UTRN: variants seen among roughly 807,000 people sequenced by gnomAD.
UTRN encodes utrophin.
Under a neutral mutation model 463.9 loss-of-function variants are expected in UTRN, and 283 were observed. That is an observed-to-expected ratio of 0.61 (90% CI 0.55 to 0.67). The LOEUF is 0.67. Among genes scored for constraint, UTRN ranks in the 30% least tolerant of loss-of-function variants. The pLI is 0.00. For synonymous variants in UTRN, 1,442 were observed against 1,431.5 expected, an observed-to-expected ratio of 1.01 and a Z score of -0.17; for missense variants, 3,922 against 4,084.3, an observed-to-expected ratio of 0.96 and a Z score of 1.08.
At chr6:144,419,340 C>G (rs1194194287) in intron 3 of UTRN, among the ~76,000 whole-genome samples, 5 of 152,200 alleles carry the variant, frequency 3.3e-5, no homozygotes, top group Non-Finnish European at 7.3e-5. Context: ...AAAAAGGCAG[C>G]TGGGAACAGA....
chr6:144,629,961 G>A lies in UTRN; in HGVS notation c.7480-48445G>A, dbSNP rs546520830. On this transcript the variant is annotated intron_variant, in intron 51 of 74. Coordinates refer to ENST00000367545, the MANE Select transcript of UTRN (RefSeq NM_007124.3). ...AGCACTTTGGGAGGCTGAAGCAGGC[G>A]GATCATGAGGTCAGGAGATTGAGAC... is the stretch of plus-strand genomic sequence containing the variant. Among the ~76,000 whole-genome samples the A allele has an allele frequency of 1.2e-4, 18 of 152,186 alleles. No homozygotes were observed. In the South Asian group the frequency reaches 1.5e-3, roughly 12 times the overall value.
intron 6 of UTRN, among the ~76,000 whole-genome samples, chr6:144,424,643 C>T (rs913954666): frequency 6.6e-6 from 1 of 152,154 alleles, no homozygotes; most frequent in African/African-American, 2.4e-5. Flanking sequence ...AAAGTACCTA[C>T]CTTTCTTATG....
chr6:144,550,851 C>T (rs1798844197), intron 47 of UTRN, 114 bp from the exon 48 acceptor site: 1 of 780,572 alleles, frequency 1.3e-6, no homozygotes, highest in Non-Finnish European at 1.9e-6. Context: ...TGATGCTTCA[C>T]TATGCCATAG....
At chr6:144,572,188 T>C (rs981798152) in intron 50 of UTRN, among the ~76,000 whole-genome samples, 5 of 152,028 alleles carry the variant, frequency 3.3e-5, no homozygotes, top group Non-Finnish European at 4.4e-5. Context: ...CAGACCCTCT[T>C]TTCTGTGATC....
At chr6:144,413,249 A>G (rs939762031) in intron 3 of UTRN, among the ~76,000 whole-genome samples, 1 of 152,224 alleles carries the variant, frequency 6.6e-6, no homozygotes, top group African/African-American at 2.4e-5. Flanking sequence ...AAATTCCCAT[A>G]GCTTAGTGAT....
intron 34 of UTRN, among the ~76,000 whole-genome samples, chr6:144,503,404 T>C (rs1402795720): frequency 1.3e-5 from 2 of 152,204 alleles, no homozygotes; most frequent in African/African-American, 4.8e-5. Flanking sequence ...AAGTCTTTAA[T>C]CCATCTTGAG....
chr6:144,495,065 C>T (rs536472709), intron 33 of UTRN, among the ~76,000 whole-genome samples: 6 of 152,218 alleles, frequency 3.9e-5, no homozygotes, highest in Non-Finnish European at 8.8e-5. Flanking sequence ...CCCACCAGAC[C>T]CAGGAGTCCA....
intron 54 of UTRN, among the ~76,000 whole-genome samples, chr6:144,738,141 C>T (rs190565570): frequency 4.7e-4 from 72 of 152,324 alleles, no homozygotes; most frequent in African/African-American, 1.7e-3. Context: ...TGACTCATCC[C>T]TTCGATTTTA....
chr6:144,386,432 C>A (rs2114752037), intron 2 of UTRN, among the ~76,000 whole-genome samples: 1 of 152,156 alleles, frequency 6.6e-6, no homozygotes, highest in Non-Finnish European at 1.5e-5. Context: ...GCACTCAAGC[C>A]TAGGTGACAG....
chr6:144,371,864 A>T (rs1025964801), intron 2 of UTRN, among the ~76,000 whole-genome samples: 1 of 152,168 alleles, frequency 6.6e-6, no homozygotes, highest in Non-Finnish European at 1.5e-5. Context: ...TTCTGAAAAG[A>T]GGGGGTTGTT....
Position 144,839,285 on chromosome 6 carries a change from G to A in UTRN, c.10177+1G>A. The A allele has an allele frequency of 1.2e-6, 2 of 1,612,534 alleles. No homozygotes were observed. The highest frequency in any genetic ancestry group is 1.7e-6 in the Non-Finnish European group (2 of 1,179,264). ...TCCGGCCCACAGTTCCACCAGGCAG[G>A]TCGGTGTCCCCAGCACACAGCTCCT... On this transcript the variant is annotated splice_donor_variant, in intron 72 of 74. Coordinates refer to ENST00000367545, the MANE Select transcript of UTRN (RefSeq NM_007124.3). LOFTEE classifies it high-confidence loss of function.
In UTRN at chr6:144,851,388, T is replaced by C. The variant is rs1782473406; in HGVS notation, c.*391T>C. ...TTACATAAGAATTAGAAGACCACTT[T>C]ACATTTTTACATTCCTTCTGCTGTT... On this transcript the variant is annotated 3_prime_UTR_variant, in exon 75 of 75. Coordinates refer to ENST00000367545, the MANE Select transcript of UTRN (RefSeq NM_007124.3). 5.4e-6 allele frequency: 1 copy of C among 184,666 alleles called. No homozygotes were observed. Among genetic ancestry groups the C allele is most frequent in the Non-Finnish European group, 1.1e-5 (1 of 87,980 alleles). 11.4% of individuals were successfully genotyped at this position (184,666 alleles called of 1,614,324 possible). A position where few individuals can be genotyped will look rare whatever the true frequency, so the allele number is the denominator to read the frequency against.
At chr6:144,733,132 G>A (rs541903381) in intron 54 of UTRN, among the ~76,000 whole-genome samples, 2 of 152,318 alleles carry the variant, frequency 1.3e-5, no homozygotes, top group East Asian at 1.9e-4. Context: ...GTTGCACTCT[G>A]AAGATATCAT....
At chr6:144,754,288 G>A (rs1791738499) in intron 56 of UTRN, among the ~76,000 whole-genome samples, 1 of 152,138 alleles carries the variant, frequency 6.6e-6, no homozygotes, top group Admixed American at 6.5e-5. Context: ...TACTGCCTTA[G>A]AGGCAATGCA....
At chr6:144,296,067 A>G (rs1218448549) in intron 2 of UTRN, among the ~76,000 whole-genome samples, 1 of 152,140 alleles carries the variant, frequency 6.6e-6, no homozygotes, top group East Asian at 1.9e-4. Context: ...TGTTGTTCTT[A>G]GCACTCTCTG....
intron 51 of UTRN, among the ~76,000 whole-genome samples, chr6:144,598,008 G>GT (rs1271088770): frequency 1.3e-5 from 2 of 152,126 alleles, no homozygotes; most frequent in African/African-American, 4.8e-5. Context: ...ACATAGGGTT[G>GT]TTCCTTATTT....
At chr6:144,535,488 C>A (rs1265010778) in intron 43 of UTRN, among the ~76,000 whole-genome samples, 1 of 152,162 alleles carries the variant, frequency 6.6e-6, no homozygotes, top group African/African-American at 2.4e-5. Flanking sequence ...GTAATTACAG[C>A]TCCTAAAACT....
At chr6:144,540,559 T>A (rs1191342274) in intron 45 of UTRN, among the ~76,000 whole-genome samples, 1 of 152,186 alleles carries the variant, frequency 6.6e-6, no homozygotes, top group Non-Finnish European at 1.5e-5. Context: ...CTGCTCAACA[T>A]CTCTCCTTAA....
chr6:144,426,020 T>C (rs936061749), intron 6 of UTRN, among the ~76,000 whole-genome samples: 3 of 152,172 alleles, frequency 2.0e-5, no homozygotes, highest in Non-Finnish European at 4.4e-5. Flanking sequence ...TAACCAAACA[T>C]AGTACAAGTA....
Sources: gnomAD v4.1 joint callset for allele counts (sites outside exome capture counted in the v4.1 genomes callset) on GRCh38, gnomAD v4.1.1 for gene constraint, MANE v1.5 for transcripts, NCBI Gene and HGNC (gene_info 2026-07-23, HGNC 2026-07-21) for gene names.